The following SLC1A7 variants were observed in gnomAD, a reference collection of about 807,000 sequenced individuals.
The protein encoded by SLC1A7 is excitatory amino acid transporter 5.
SLC1A7 carries 40 observed loss-of-function variants against 47.7 expected under a neutral mutation model. The ratio of observed to expected loss-of-function variants is 0.84; its 90% CI spans 0.65 to 1.09. The LOEUF is 1.09. Ranked by LOEUF, SLC1A7 falls within the 50% of genes least tolerant of loss-of-function variation. The pLI is 0.00. For synonymous variants in SLC1A7, 323 were observed against 325.6 expected (o/e 0.99, Z 0.09); for missense variants, 746 against 769.5 (o/e 0.97, Z 0.36).
chr1:53,096,225 T>A (rs1366781518), intron 5 of SLC1A7, among the ~76,000 whole-genome samples: 1 of 144,912 alleles, frequency 6.9e-6, no homozygotes, highest in Non-Finnish European at 1.5e-5. Context: ...CTCGATACAC[T>A]CACACACCCT....
At chr1:53,104,103 C>T (rs564134825) in intron 4 of SLC1A7, among the ~76,000 whole-genome samples, 5 of 152,312 alleles carry the variant, frequency 3.3e-5, no homozygotes, top group South Asian at 4.2e-4. Context: ...TGGGTCTCAC[C>T]CCATCATCCC....
At chr1:53,129,574 G>A (rs1177662489) in intron 2 of SLC1A7, among the ~76,000 whole-genome samples, 2 of 126,756 alleles carry the variant, frequency 1.6e-5, no homozygotes, top group South Asian at 2.4e-4. Flanking sequence ...AGAAAAAAAA[G>A]AGCCCACAGC....
At chr1:53,120,965 G>A (rs532903132) in intron 2 of SLC1A7, among the ~76,000 whole-genome samples, 33 of 152,396 alleles carry the variant, frequency 2.2e-4, no homozygotes, top group African/African-American at 7.5e-4. Context: ...GACTGGGCCT[G>A]GGTGTGCCTC....
chr1:53,103,155 G>A, intron 5 of SLC1A7, 191 bp downstream of exon 5: 2 of 532,862 alleles, frequency 3.8e-6, no homozygotes, highest in Non-Finnish European at 6.6e-6. Context: ...GGAGGTGCCA[G>A]GGGGAAGCCC....
At chr1:53,093,352 G>C (rs1644446896) in intron 6 of SLC1A7, 109 bp downstream of exon 6, 13 of 911,886 alleles carry the variant, frequency 1.4e-5, no homozygotes, top group South Asian at 1.4e-4. Context: ...CCAGGGCTGA[G>C]CCTGGGCACA....
Position 53,115,709 on chromosome 1 carries a change from T to G in SLC1A7, c.216-736A>C, listed in dbSNP as rs569671725. ...GGCCTCAGGATCTCCATCTGTAAAA[T>G]GGGGACATCTTGGGTTTGTGCCTGG... is the stretch of plus-strand genomic sequence containing the variant. On this transcript the variant is annotated intron_variant, in intron 2 of 10. Coordinates refer to ENST00000371494, the MANE Select transcript of SLC1A7 (RefSeq NM_006671.6). 5.3e-5 allele frequency: 8 copies of G among 152,380 alleles called. No homozygotes were observed. In the East Asian group the frequency reaches 1.5e-3, roughly 29 times the overall value. 9.4% of individuals were successfully genotyped at this position (152,380 alleles called of 1,614,324 possible).
Position 53,093,543 on chromosome 1 carries a change from T to C in SLC1A7, c.715A>G (p.Met239Val). 6.2e-7 allele frequency: 1 copy of C among 1,606,290 alleles called. No homozygotes were observed. Among genetic ancestry groups the C allele is most frequent in the South Asian group, 1.1e-5 (1 of 90,318 alleles). The change falls in exon 6 of 11, where the codon ATG (methionine) becomes GTG (valine). Residue 239 changes from methionine (M) to valine (V), a missense_variant. By Grantham distance (21) the Met-to-Val change is conservative. Transcript: ENST00000371494. ...SATMGIMLGR[M>V]GDSGAPLVSF... ...ACCAGGGGGGCCCCGCTGTCACCCA[T>C]GCGGCCCAGCATGATGCCTGCGGGT...
At chr1:53,097,869 G>A (rs1407411577) in intron 5 of SLC1A7, among the ~76,000 whole-genome samples, 6 of 145,934 alleles carry the variant, frequency 4.1e-5, no homozygotes, top group Non-Finnish European at 7.5e-5. Flanking sequence ...ATACTGCATC[G>A]GTACACTCAC....
chr1:53,141,640 C>T (rs1170269236), intron 1 of SLC1A7, among the ~76,000 whole-genome samples: 2 of 150,342 alleles, frequency 1.3e-5, no homozygotes, highest in Non-Finnish European at 3.0e-5. Flanking sequence ...ATCCAATCGG[C>T]CCCCACATCC....
chr1:53,130,197 A>T (rs1223930917), intron 2 of SLC1A7, among the ~76,000 whole-genome samples: 1 of 152,240 alleles, frequency 6.6e-6, no homozygotes. Context: ...AGGACTTCCC[A>T]CACAGAACCT....
rs568946905 is a variant in SLC1A7 at position 53,103,190 on chromosome 1, G to T, written c.697+156C>A. The T allele has an allele frequency of 1.2e-3, 739 of 611,252 alleles. 8 individuals are homozygous for T. The African/African-American group carries it at 0.013, about 11-fold the overall frequency. 37.9% of individuals were successfully genotyped at this position (611,252 alleles called of 1,614,324 possible). On this transcript the variant is annotated intron_variant, in intron 5 of 10. Transcript: ENST00000371494. ...CCTGGGGTGGGGTGGGGAGGCGAAG[G>T]ATTTAAATAAACAGGTGTGGTGAAT...
intron 3 of SLC1A7, chr1:53,108,338 C>G: frequency 1.9e-6 from 1 of 535,020 alleles, no homozygotes; most frequent in Non-Finnish European, 3.3e-6. Context: ...GGAACTTATA[C>G]CTATATAGAC....
chr1:53,126,302 C>A (rs929985894), intron 2 of SLC1A7, among the ~76,000 whole-genome samples: 2 of 152,210 alleles, frequency 1.3e-5, no homozygotes, highest in African/African-American at 4.8e-5. Flanking sequence ...TGGGGAAGAG[C>A]CCTTGGAAGG....
At chr1:53,136,444 C>T (rs145255035) in intron 1 of SLC1A7, among the ~76,000 whole-genome samples, 4,082 of 147,786 alleles carry the variant, frequency 0.028, 74 homozygotes, top group Non-Finnish European at 0.045. Flanking sequence ...CCGCCCGCCT[C>T]GGCCTCCCAA....
intron 2 of SLC1A7, among the ~76,000 whole-genome samples, chr1:53,129,488 TG>T (rs1413738126): frequency 0.04 from 4,676 of 116,798 alleles, 16 homozygotes; most frequent in Middle Eastern, 0.068. Flanking sequence ...TGGTCAAGCG[TG>T]GGCTGCACTC....
intron 1 of SLC1A7, among the ~76,000 whole-genome samples, chr1:53,134,824 C>T (rs1342310506): frequency 3.9e-5 from 6 of 151,930 alleles, no homozygotes; most frequent in Middle Eastern, 3.2e-3. Flanking sequence ...TACATACCTA[C>T]GATAAAATGT....
rs371814346 is a variant in SLC1A7 at position 53,090,686 on chromosome 1, G to A, written c.1152C>T (p.Tyr384=). 39 of 1,613,838 alleles carry A rather than the reference G, an allele frequency of 2.4e-5. No homozygotes were observed. Among genetic ancestry groups the A allele is most frequent in the Non-Finnish European group, 3.2e-5 (38 of 1,179,920 alleles). The change falls in exon 8 of 11, where the codon TAC becomes TAT. Residue 384 remains tyrosine, a synonymous_variant. Transcript: ENST00000371494. ...CGATGAAGATGGCGGCCACAGCCTC[G>A]TAGAGCGCAGTGCCGTCCATGTTGA... ...ATINMDGTAL[Y]EAVAAIFIAQ... is the part of the protein sequence containing the mutation.
chr1:53,134,756 A>G (rs1246169551), intron 1 of SLC1A7, among the ~76,000 whole-genome samples: 1 of 152,248 alleles, frequency 6.6e-6, no homozygotes, highest in African/African-American at 2.4e-5. Context: ...CGAGACCGCC[A>G]GTGGATGCCT....
intron 10 of SLC1A7, 146 bp from the exon 11 acceptor site, chr1:53,088,373 G>C (rs935718764): frequency 9.4e-6 from 6 of 637,090 alleles, no homozygotes; most frequent in Non-Finnish European, 1.6e-5. Flanking sequence ...GACCTCGGCA[G>C]GTCACGGCCT....
Sources: gnomAD v4.1 joint callset for allele counts (sites outside exome capture counted in the v4.1 genomes callset) on GRCh38, gnomAD v4.1.1 for gene constraint, MANE v1.5 for transcripts, NCBI Gene and HGNC (gene_info 2026-07-23, HGNC 2026-07-21) for gene names.